Variants in KLHL29 observed in about 807,000 individuals in gnomAD.
KLHL29 encodes kelch-like protein 29.
A neutral mutation model predicts 80.4 loss-of-function variants in KLHL29; 21 were observed. The ratio of observed to expected loss-of-function variants is 0.26; its 90% CI spans 0.19 to 0.38. The LOEUF is 0.38. KLHL29 is among the 10% of genes least tolerant of loss of function. The pLI is 1.00. For missense variants in KLHL29, 867 were observed against 1,223.9 expected (o/e 0.71, Z 4.35); for synonymous variants, 511 against 526.8 (o/e 0.97, Z 0.41).
chr2:23,703,132 C>T, intron 11 of KLHL29, 54 bp from the exon 12 acceptor site: 2 of 1,305,448 alleles, frequency 1.5e-6, no homozygotes, highest in Non-Finnish European at 2.0e-6. Context: ...CTTGTGACCT[C>T]TGCCCCGCAC....
At chr2:23,406,654 TCACA>T (rs1285963094) in intron 1 of KLHL29, among the ~76,000 whole-genome samples, 2 of 152,118 alleles carry the variant, frequency 1.3e-5, no homozygotes, top group African/African-American at 4.8e-5. Flanking sequence ...AATTTCGGTA[TCACA>T]CACATCTGCC....
At chr2:23,399,490 G>A (rs1211201254) in intron 1 of KLHL29, among the ~76,000 whole-genome samples, 2 of 152,186 alleles carry the variant, frequency 1.3e-5, no homozygotes, top group Non-Finnish European at 2.9e-5. Flanking sequence ...GGAAAAAAAT[G>A]TGTTTTACAA....
intron 1 of KLHL29, among the ~76,000 whole-genome samples, chr2:23,433,716 C>T (rs1302797750): frequency 2.0e-5 from 3 of 152,068 alleles, no homozygotes; most frequent in Admixed American, 2.0e-4. Flanking sequence ...GAGTTCAAGA[C>T]TAGCCCAGGC....
In KLHL29 at chr2:23,403,308, C is replaced by T. The variant is rs148560554; in HGVS notation, c.-154+17528C>T. On this transcript the variant is annotated intron_variant, in intron 1 of 13. Coordinates refer to ENST00000486442, the MANE Select transcript of KLHL29 (RefSeq NM_052920.2). Reference sequence around the variant, plus strand: ...TGATGAAAACAGAAAAAGGACAGGCCGCCATGTAGAAGAAATTTTTAAACT... The same window carrying T: ...TGATGAAAACAGAAAAAGGACAGGCTGCCATGTAGAAGAAATTTTTAAACT... 1.8e-3 allele frequency among the ~76,000 whole-genome samples: 271 copies of T among 152,102 alleles called. 2 individuals are homozygous for T. The highest frequency in any genetic ancestry group is 5.8e-3 in the East Asian group (30 of 5,172).
Position 23,696,372 on chromosome 2 carries a change from G to C in KLHL29, c.1964G>C (p.Cys655Ser). The change falls in exon 11 of 14, where the codon TGC (cysteine) becomes TCC (serine). Residue 655 changes from cysteine to serine, a missense_variant. This residue lies in a region of KLHL29 where 443 missense variants were observed against 767.0 expected (regional missense o/e 0.58). Coordinates refer to ENST00000486442, the MANE Select transcript of KLHL29 (RefSeq NM_052920.2). The surrounding 1 kb of genome is among the most constrained non-coding windows in gnomAD (Gnocchi z 5.5). ...GGGGTGACGCTGGCTGATGTCTGGT[G>C]CTACATGTCCCTGCTTGATAACTGG... ...ESGVTLADVW[C>S]YMSLLDNWNL... The C allele has an allele frequency of 6.4e-7, 1 of 1,551,622 alleles. No homozygotes were observed. Among genetic ancestry groups the C allele is most frequent in the Non-Finnish European group, 8.7e-7 (1 of 1,146,980 alleles).
intron 2 of KLHL29, among the ~76,000 whole-genome samples, chr2:23,533,723 C>T (rs759284600): frequency 2.6e-5 from 4 of 152,162 alleles, no homozygotes; most frequent in Non-Finnish European, 4.4e-5. Context: ...GGGGCATTTA[C>T]GCCAATGAAG....
At chr2:23,497,243 A>C (rs1274579221) in intron 2 of KLHL29, among the ~76,000 whole-genome samples, 1 of 149,174 alleles carries the variant, frequency 6.7e-6, no homozygotes, top group Non-Finnish European at 1.5e-5. Flanking sequence ...AAAGTAAGTG[A>C]CTCCTTTTTT....
chr2:23,582,221 G>T (rs948986692), intron 3 of KLHL29, among the ~76,000 whole-genome samples: 1 of 152,202 alleles, frequency 6.6e-6, no homozygotes, highest in East Asian at 1.9e-4. Flanking sequence ...TTATGGTGGT[G>T]TGCTTTATGG....
At chr2:23,591,248 C>T (rs921267300) in intron 3 of KLHL29, among the ~76,000 whole-genome samples, 5 of 152,134 alleles carry the variant, frequency 3.3e-5, no homozygotes, top group African/African-American at 4.8e-5. Context: ...AGGCCGGTGC[C>T]CTTGGGGCAA....
intron 3 of KLHL29, among the ~76,000 whole-genome samples, chr2:23,579,813 C>A (rs1456670065): frequency 6.6e-6 from 1 of 152,192 alleles, no homozygotes; most frequent in Non-Finnish European, 1.5e-5. Flanking sequence ...CACCTCTGCA[C>A]CCCCGCCCCC....
At chr2:23,490,246 A>G (rs1165923610) in intron 2 of KLHL29, among the ~76,000 whole-genome samples, 2 of 152,152 alleles carry the variant, frequency 1.3e-5, no homozygotes, top group African/African-American at 2.4e-5. Flanking sequence ...TTTGTAGGCC[A>G]TTGAAGCCAA....
chr2:23,505,794 G>C (rs1665581008), intron 2 of KLHL29, among the ~76,000 whole-genome samples: 1 of 152,216 alleles, frequency 6.6e-6, no homozygotes, highest in Admixed American at 6.5e-5. Context: ...AGAGAATGGT[G>C]GGGATTTGAA....
chr2:23,411,272 T>TTCTCACTACCC (rs1410930040), intron 1 of KLHL29, among the ~76,000 whole-genome samples: 1 of 151,796 alleles, frequency 6.6e-6, no homozygotes, highest in Non-Finnish European at 1.5e-5. Flanking sequence ...GAGGACAGGG[T>TTCTCACTACCC]AGTGAGAACA....
chr2:23,573,762 G>A (rs1667775482), intron 3 of KLHL29, among the ~76,000 whole-genome samples: 1 of 152,190 alleles, frequency 6.6e-6, no homozygotes, highest in African/African-American at 2.4e-5. Context: ...GCCAGGTGGG[G>A]TGGTACAGAT....
intron 1 of KLHL29, among the ~76,000 whole-genome samples, chr2:23,393,114 C>T (rs1430927780): frequency 6.6e-6 from 1 of 152,144 alleles, no homozygotes; most frequent in East Asian, 1.9e-4. Flanking sequence ...ATCGCTGACC[C>T]GGGCTTGTTC....
intron 5 of KLHL29, among the ~76,000 whole-genome samples, chr2:23,683,938 G>A (rs1268015736): frequency 6.6e-6 from 1 of 152,180 alleles, no homozygotes; most frequent in African/African-American, 2.4e-5. Flanking sequence ...TTGTGGTTGT[G>A]ATTCCTTTGA....
intron 1 of KLHL29, among the ~76,000 whole-genome samples, chr2:23,386,897 G>A (rs1666196903): frequency 1.3e-5 from 2 of 152,142 alleles, no homozygotes; most frequent in Admixed American, 1.3e-4. Flanking sequence ...GGAGGGGGTG[G>A]CGGCCACGCG....
chr2:23,388,899 G>A (rs1204592546), intron 1 of KLHL29, among the ~76,000 whole-genome samples: 1 of 150,980 alleles, frequency 6.6e-6, no homozygotes, highest in Non-Finnish European at 1.5e-5. Flanking sequence ...TTTTTGGCTG[G>A]GAGACATCAA....
At chr2:23,485,049 C>T (rs576929738) in intron 2 of KLHL29, among the ~76,000 whole-genome samples, 2 of 152,204 alleles carry the variant, frequency 1.3e-5, no homozygotes, top group Admixed American at 6.5e-5. Context: ...TTCCTGGTTC[C>T]GGTGTGGTCC....
Sources: gnomAD v4.1 joint callset for allele counts (sites outside exome capture counted in the v4.1 genomes callset) on GRCh38, gnomAD v4.1.1 for gene constraint, gnomAD v4.1.1 regional missense constraint, Gnocchi (gnomAD v3.1) non-coding constraint, MANE v1.5 for transcripts, NCBI Gene and HGNC (gene_info 2026-07-23, HGNC 2026-07-21) for gene names.